DCC: variants seen among roughly 807,000 people sequenced by gnomAD.
DCC encodes DCC netrin 1 receptor.
DCC carries 58 observed loss-of-function variants against 172.5 expected under a neutral mutation model. That is an observed-to-expected ratio of 0.34 (90% CI 0.27 to 0.42). The LOEUF is 0.42. Ranked by LOEUF, DCC falls within the 10% of genes least tolerant of loss-of-function variation. The pLI is 1.00. For synonymous variants in DCC, 709 were observed against 644.5 expected (o/e 1.10, Z -1.52); for missense variants, 1,740 against 1,791.0 (o/e 0.97, Z 0.51).
chr18:53,407,720 T>C (rs764445954), intron 19 of DCC, among the ~76,000 whole-genome samples: 4 of 151,768 alleles, frequency 2.6e-5, no homozygotes, highest in Non-Finnish European at 5.9e-5. Context: ...TGTGTGTATG[T>C]ACACACACAT....
chr18:52,950,928 TCAAAAAAAAAAAAAAAAAAAAAAA>T (rs1568206733), intron 5 of DCC, among the ~76,000 whole-genome samples: 1 of 31,272 alleles, frequency 3.2e-5, no homozygotes, highest in African/African-American at 1.3e-4. Flanking sequence ...AGACTCCGTC[TCAAAAAAAAAAAAAAAAAAAAAAA>T]AAAAAAAAAA....
intron 3 of DCC, among the ~76,000 whole-genome samples, chr18:52,910,806 G>A (rs1165253140): frequency 3.3e-5 from 5 of 152,086 alleles, no homozygotes; most frequent in Non-Finnish European, 5.9e-5. Flanking sequence ...AGATGACTCT[G>A]AGTCCTGTAT....
intron 2 of DCC, among the ~76,000 whole-genome samples, chr18:52,806,262 C>T (rs190315053): frequency 3.3e-5 from 5 of 152,278 alleles, no homozygotes; most frequent in Admixed American, 3.3e-4. Flanking sequence ...GTAAACCTCG[C>T]TCCCGTCAAC....
chr18:53,286,211 G>T (rs1709379200), intron 12 of DCC, among the ~76,000 whole-genome samples: 1 of 152,092 alleles, frequency 6.6e-6, no homozygotes, highest in African/African-American at 2.4e-5. Context: ...AAATGGTGTG[G>T]TTTGGCTATG....
At chr18:53,378,210 C>T (rs989157863) in intron 15 of DCC, among the ~76,000 whole-genome samples, 1 of 152,134 alleles carries the variant, frequency 6.6e-6, no homozygotes, top group African/African-American at 2.4e-5. Context: ...ATCCACCTGC[C>T]TCAGCCTCCC....
At position 52,918,021 on chromosome 18, in the gene DCC, A is replaced by G. The variant is rs1469265908; in HGVS notation, c.698-5686A>G. 2.6e-5 allele frequency among the ~76,000 whole-genome samples: 4 copies of G among 152,260 alleles called. No homozygotes were observed. In the South Asian group the frequency reaches 6.2e-4, roughly 24 times the overall value. On this transcript the variant is annotated intron_variant, in intron 3 of 28. Transcript: ENST00000442544. ...CTGGCTTGAATAAAACTATTGTCAA[A>G]TATGTTTTCTAGGACCCACGCTTAT...
At chr18:52,985,650 C>G (rs2041281362) in intron 5 of DCC, among the ~76,000 whole-genome samples, 1 of 151,966 alleles carries the variant, frequency 6.6e-6, no homozygotes, top group Non-Finnish European at 1.5e-5. Flanking sequence ...CTTTTTTCAG[C>G]CATCTTATTT....
chr18:52,752,482 C>T (rs2037013116), intron 2 of DCC, 108 bp downstream of exon 2: 1 of 873,258 alleles, frequency 1.1e-6, no homozygotes, highest in Admixed American at 2.2e-5. Flanking sequence ...TTTTAAAAAT[C>T]TTTTAAATTT....
chr18:53,306,496 C>A (rs2057201914), intron 13 of DCC, among the ~76,000 whole-genome samples: 1 of 152,116 alleles, frequency 6.6e-6, no homozygotes, highest in Admixed American at 6.6e-5. Flanking sequence ...AACTTCGGGG[C>A]AAACACAGCA....
intron 5 of DCC, among the ~76,000 whole-genome samples, chr18:53,046,897 G>A (rs1568267531): frequency 6.6e-6 from 1 of 151,730 alleles, no homozygotes; most frequent in Admixed American, 6.6e-5. Context: ...CACAGCCAGA[G>A]CTGGGAGTCA....
At chr18:52,785,216 CAA>C (rs2037633514) in intron 2 of DCC, among the ~76,000 whole-genome samples, 1 of 151,946 alleles carries the variant, frequency 6.6e-6, no homozygotes, top group Admixed American at 6.6e-5. Context: ...ACATGGCTGA[CAA>C]AGAGAAGGGA....
chr18:52,505,391 A>G (rs766104121), intron 1 of DCC, among the ~76,000 whole-genome samples: 11 of 152,228 alleles, frequency 7.2e-5, no homozygotes, highest in Non-Finnish European at 1.2e-4. Flanking sequence ...CCCAGTTTAC[A>G]TGGCTACAGA....
intron 7 of DCC, among the ~76,000 whole-genome samples, chr18:53,111,850 G>A (rs2043337870): frequency 6.6e-6 from 1 of 151,662 alleles, no homozygotes; most frequent in Non-Finnish European, 1.5e-5. Context: ...AGTCATGTTA[G>A]ATATTTTAGT....
At chr18:53,476,065 T>C (rs2045758552) in intron 25 of DCC, among the ~76,000 whole-genome samples, 1 of 152,198 alleles carries the variant, frequency 6.6e-6, no homozygotes, top group Non-Finnish European at 1.5e-5. Context: ...CTGTAGCCCC[T>C]TTGTTTTGGT....
intron 1 of DCC, among the ~76,000 whole-genome samples, chr18:52,364,269 A>T (rs572664522): frequency 2.0e-5 from 3 of 152,352 alleles, no homozygotes; most frequent in African/African-American, 7.2e-5. Flanking sequence ...TGCTATAAAG[A>T]TTTTTAAAAC....
At chr18:53,370,488 G>C (rs770811253) in intron 15 of DCC, among the ~76,000 whole-genome samples, 5 of 151,502 alleles carry the variant, frequency 3.3e-5, no homozygotes, top group Non-Finnish European at 5.9e-5. Context: ...TTTGGATTTA[G>C]TTTATTATTT....
intron 5 of DCC, among the ~76,000 whole-genome samples, chr18:52,982,610 C>G (rs76852356): frequency 1.3e-5 from 2 of 152,186 alleles, no homozygotes; most frequent in East Asian, 3.9e-4. Flanking sequence ...CCTCTACCTA[C>G]TAGATGCCAC....
Position 53,425,189 on chromosome 18 carries a change from G to A in DCC, c.3163+9033G>A, listed in dbSNP as rs138740375. 8.1e-3 allele frequency among the ~76,000 whole-genome samples: 1,232 copies of A among 151,614 alleles called. 16 individuals carry two copies. The highest frequency in any genetic ancestry group is 0.027 in the Admixed American group (414 of 15,188). ...TTTCCAGTACTCTGCATGGTTACAAGGAAACTATTTTTCATTCTCTGCCAC... is the reference window on the plus strand; with the variant it reads ...TTTCCAGTACTCTGCATGGTTACAAAGAAACTATTTTTCATTCTCTGCCAC... On this transcript the variant is annotated intron_variant, in intron 21 of 28. Coordinates refer to ENST00000442544, the MANE Select transcript of DCC (RefSeq NM_005215.4).
intron 2 of DCC, among the ~76,000 whole-genome samples, chr18:52,843,706 G>T (rs991031984): frequency 6.6e-6 from 1 of 151,946 alleles, no homozygotes; most frequent in Non-Finnish European, 1.5e-5. Context: ...ATCACTCACT[G>T]CCTATTAAAA....
Sources: allele counts gnomAD v4.1 joint callset (sites outside exome capture counted in the v4.1 genomes callset), GRCh38; gene constraint gnomAD v4.1.1; transcripts MANE v1.5; gene names NCBI Gene and HGNC (gene_info 2026-07-23, HGNC 2026-07-21).